Variants in LSAMP observed in about 807,000 individuals in gnomAD.
LSAMP encodes the protein limbic system-associated membrane protein.
Under a neutral mutation model 38.6 loss-of-function variants are expected in LSAMP, and 7 were observed. The observed-to-expected ratio is 0.18, with a 90% CI of 0.10 to 0.34. LSAMP has a LOEUF of 0.34. Among genes scored for constraint, LSAMP ranks in the 10% least tolerant of loss-of-function variants. LSAMP has a pLI of 1.00. For synonymous variants in LSAMP, 154 were observed against 166.8 expected, an observed-to-expected ratio of 0.92 and a Z score of 0.59; for missense variants, 313 against 420.0, an observed-to-expected ratio of 0.75 and a Z score of 2.23.
At chr3:115,897,574 G>A (rs1005651715) in intron 3 of LSAMP, among the ~76,000 whole-genome samples, 2 of 152,094 alleles carry the variant, frequency 1.3e-5, no homozygotes, top group African/African-American at 4.8e-5. Flanking sequence ...CTATAGAAAT[G>A]CAAAATAGTA....
chr3:116,314,893 G>A lies in LSAMP; in HGVS notation c.155+129984C>T, dbSNP rs567677978. On this transcript the variant is annotated intron_variant, in intron 1 of 6. Coordinates refer to ENST00000490035, the MANE Select transcript of LSAMP (RefSeq NM_002338.5). ...TGAGAATGCAATATCAATTCTTGGG[G>A]GTTTTTTTGTTTAATAAACAATGAT... 1.7e-3 allele frequency among the ~76,000 whole-genome samples: 266 copies of A among 152,126 alleles called. 2 individuals carry two copies. The highest frequency in any genetic ancestry group is 6.2e-3 in the African/African-American group (256 of 41,494).
chr3:116,072,632 T>C (rs1429915749), intron 2 of LSAMP, among the ~76,000 whole-genome samples: 1 of 152,176 alleles, frequency 6.6e-6, no homozygotes, highest in Non-Finnish European at 1.5e-5. Context: ...TTTTGATTTG[T>C]ATTTATCTAA....
At chr3:116,345,742 C>G (rs1301497509) in intron 1 of LSAMP, among the ~76,000 whole-genome samples, 5 of 151,896 alleles carry the variant, frequency 3.3e-5, no homozygotes, top group African/African-American at 7.3e-5. Context: ...TTGTTAATAT[C>G]TAGCCCAGGA....
In LSAMP at chr3:116,247,420, C is replaced by T. The variant is rs146084602; in HGVS notation, c.156-160864G>A. Among the ~76,000 whole-genome samples the T allele has an allele frequency of 4.8e-3, 725 of 152,216 alleles. 5 individuals carry two copies. Among genetic ancestry groups the T allele is most frequent in the African/African-American group, 0.017 (686 of 41,538 alleles). ...ATTGCTATATAGGATCAATATTATC[C>T]TCTAAACACACTAATTGATAGACTG... On this transcript the variant is annotated intron_variant, in intron 1 of 6. Transcript: ENST00000490035.
chr3:115,966,026 T>C (rs1264073063), intron 3 of LSAMP, among the ~76,000 whole-genome samples: 1 of 152,202 alleles, frequency 6.6e-6, no homozygotes, highest in Non-Finnish European at 1.5e-5. Flanking sequence ...GCTGGCTCCA[T>C]GGCAAACTGG....
At chr3:116,306,224 C>T (rs1257457801) in intron 1 of LSAMP, among the ~76,000 whole-genome samples, 1 of 151,994 alleles carries the variant, frequency 6.6e-6, no homozygotes, top group Non-Finnish European at 1.5e-5. Flanking sequence ...GTAGCACATT[C>T]TCCTTCTTCC....
intron 3 of LSAMP, among the ~76,000 whole-genome samples, chr3:115,956,815 T>C (rs1177995439): frequency 6.6e-6 from 1 of 152,216 alleles, no homozygotes; most frequent in East Asian, 1.9e-4. Flanking sequence ...TTATTGTATA[T>C]AACCTAGCAT....
chr3:116,058,464 A>G (rs561101230), intron 2 of LSAMP, among the ~76,000 whole-genome samples: 2 of 85,832 alleles, frequency 2.3e-5, no homozygotes, highest in South Asian at 6.5e-4. Flanking sequence ...AAATTTTGAA[A>G]AAAAAAAAAA....
chr3:116,227,352 T>C (rs757001479), intron 1 of LSAMP, among the ~76,000 whole-genome samples: 4 of 152,184 alleles, frequency 2.6e-5, no homozygotes, highest in Non-Finnish European at 5.9e-5. Context: ...AATTATAATA[T>C]ATATTTATAT....
intron 2 of LSAMP, among the ~76,000 whole-genome samples, chr3:116,066,582 C>A (rs1707441776): frequency 6.6e-6 from 1 of 152,174 alleles, no homozygotes; most frequent in African/African-American, 2.4e-5. Context: ...TCTGATACCG[C>A]CACTTTCTGG....
In LSAMP at chr3:115,888,123, G is replaced by A. The variant is rs865889729; in HGVS notation, c.515-35506C>T. Among the ~76,000 whole-genome samples, 4 of 151,914 alleles carry A rather than the reference G, an allele frequency of 2.6e-5. No homozygotes were observed. The South Asian group carries it at 6.2e-4, about 24-fold the overall frequency. On this transcript the variant is annotated intron_variant, in intron 3 of 6. Transcript: ENST00000490035. ...TCTCACTCAAAATACATTTACTTGT[G>A]TGGGTATGTGTGTATAACTATTTAT...
At chr3:116,009,383 C>T (rs1940258593) in intron 3 of LSAMP, among the ~76,000 whole-genome samples, 2 of 152,058 alleles carry the variant, frequency 1.3e-5, no homozygotes, top group African/African-American at 2.4e-5. Context: ...TTCCTAGCAC[C>T]GTCGTAACAG....
chr3:116,421,870 G>T (rs777580401), intron 1 of LSAMP, among the ~76,000 whole-genome samples: 2 of 152,140 alleles, frequency 1.3e-5, no homozygotes, highest in Non-Finnish European at 2.9e-5. Flanking sequence ...AAACAATATG[G>T]CAGTTTCTTA....
chr3:115,835,434 T>C (rs548843972), intron 6 of LSAMP, among the ~76,000 whole-genome samples: 12 of 152,316 alleles, frequency 7.9e-5, no homozygotes, highest in South Asian at 2.1e-4. Context: ...AGACCTAAGA[T>C]TAAATTCTCT....
At chr3:116,345,979 C>T (rs866491108) in intron 1 of LSAMP, among the ~76,000 whole-genome samples, 15 of 152,092 alleles carry the variant, frequency 9.9e-5, no homozygotes, top group East Asian at 3.9e-4. Context: ...GAAATAAATA[C>T]GGTGTGCCAT....
At chr3:116,336,643 A>C (rs1280067139) in intron 1 of LSAMP, among the ~76,000 whole-genome samples, 1 of 151,986 alleles carries the variant, frequency 6.6e-6, no homozygotes, top group Non-Finnish European at 1.5e-5. Flanking sequence ...GAGAAAAATA[A>C]ATGTTGGTGA....
intron 1 of LSAMP, among the ~76,000 whole-genome samples, chr3:116,141,175 A>G (rs1021264638): frequency 3.9e-5 from 6 of 152,090 alleles, no homozygotes; most frequent in Admixed American, 3.3e-4. Context: ...AACTATATAT[A>G]TTTTATATAA....
Position 116,216,417 on chromosome 3 carries a change from C to T in LSAMP, c.156-129861G>A, listed in dbSNP as rs78901834. 2.1e-3 allele frequency among the ~76,000 whole-genome samples: 315 copies of T among 152,206 alleles called. 7 individuals are homozygous for T. The East Asian group carries it at 0.057, about 27-fold the overall frequency. On this transcript the variant is annotated intron_variant, in intron 1 of 6. Coordinates refer to ENST00000490035, the MANE Select transcript of LSAMP (RefSeq NM_002338.5). ...TGGCATTAATTGTCCTTGTTCTGAG[C>T]AGTGTACATCTTGTAATTGATCAAA...
At chr3:116,120,130 C>T (rs925144952) in intron 1 of LSAMP, among the ~76,000 whole-genome samples, 2 of 152,132 alleles carry the variant, frequency 1.3e-5, no homozygotes, top group Non-Finnish European at 2.9e-5. Flanking sequence ...TAAACTTTTT[C>T]AAGGAGCTCA....
Sources: allele counts gnomAD v4.1 joint callset (sites outside exome capture counted in the v4.1 genomes callset), GRCh38; gene constraint gnomAD v4.1.1; transcripts MANE v1.5; gene names NCBI Gene and HGNC (gene_info 2026-07-23, HGNC 2026-07-21).